Variants in ZC3HAV1 observed in about 807,000 individuals in gnomAD.
ZC3HAV1 encodes the protein zinc finger CCCH-type antiviral protein 1.
ZC3HAV1 carries 41 observed loss-of-function variants against 86.6 expected under a neutral mutation model. The observed-to-expected ratio is 0.47, with a 90% confidence interval of 0.37 to 0.61. The LOEUF is 0.61. ZC3HAV1 is among the 20% of genes least tolerant of loss of function. The pLI is 0.00. For synonymous variants in ZC3HAV1, 421 were observed against 432.1 expected (o/e 0.97, Z 0.32); for missense variants, 964 against 1,141.1 (o/e 0.84, Z 2.24).
At position 139,097,414 on chromosome 7, in the gene ZC3HAV1, ATATATATATATATATTTTTT is replaced by A. The variant is rs1817625341; in HGVS notation, c.309-7675_309-7656del. Among the ~76,000 whole-genome samples the A allele has an allele frequency of 5.3e-5, 4 of 75,664 alleles. No homozygotes were observed. In the South Asian group the frequency reaches 2.2e-3, roughly 42 times the overall value. 49.6% of individuals were successfully genotyped at this position (75,664 alleles called of 152,430 possible). On this transcript the variant is annotated intron_variant, in intron 1 of 12. Coordinates refer to ENST00000242351, the MANE Select transcript of ZC3HAV1 (RefSeq NM_020119.4). ...ATATTGGAACTCCATATATATATAT[ATATATATATATATATTTTTT>A]TTTTTTTTTTTTTTCTTTGAGATGG...
Position 139,044,895 on chromosome 7 carries a change from A to G in ZC3HAV1, c.*2699T>C, listed in dbSNP as rs192263280. On this transcript the variant is annotated 3_prime_UTR_variant, in exon 13 of 13. Transcript: ENST00000242351. ...ATTTCGTTCTTTCTCTTATATACAA[A>G]TAAGTATTGTCATATGCAAAGAAGT... 86 of 152,482 alleles carry G rather than the reference A, an allele frequency of 5.6e-4. No individual in the cohort carries two copies. Among genetic ancestry groups the G allele is most frequent in the African/African-American group, 2.0e-3 (85 of 41,588 alleles). 9.4% of individuals were successfully genotyped at this position (152,482 alleles called of 1,614,324 possible).
intron 1 of ZC3HAV1, among the ~76,000 whole-genome samples, chr7:139,104,908 T>G (rs1174738709): frequency 7.4e-6 from 1 of 135,928 alleles, no homozygotes; most frequent in Non-Finnish European, 1.6e-5. Flanking sequence ...TGGCACATGC[T>G]TGTAATCCCA....
chr7:139,090,848 T>A (rs1817408021), intron 1 of ZC3HAV1, among the ~76,000 whole-genome samples: 1 of 152,172 alleles, frequency 6.6e-6, no homozygotes, highest in Non-Finnish European at 1.5e-5. Flanking sequence ...TGTAACCTCA[T>A]ATGAAAAAAT....
chr7:139,108,300 A>C lies in ZC3HAV1; in HGVS notation c.308+724T>G, dbSNP rs1379482071. On this transcript the variant is annotated intron_variant, in intron 1 of 12. Coordinates refer to ENST00000242351, the MANE Select transcript of ZC3HAV1 (RefSeq NM_020119.4). This position sits in a 1 kb window ranked among gnomAD's most constrained non-coding sequence, Gnocchi z 4.2. The stretch of plus-strand genomic sequence containing the variant: ...AAAAAAAAAGGCAAACGGAAACAAC[A>C]GAAGCAGTGGCCCGAGACGTGAGCC... 6.6e-6 allele frequency among the ~76,000 whole-genome samples: 1 copy of C among 151,702 alleles called. No homozygotes were observed. Among genetic ancestry groups the C allele is most frequent in the Non-Finnish European group, 1.5e-5 (1 of 67,918 alleles).
chr7:139,078,859 A>C (rs919871912), intron 4 of ZC3HAV1, among the ~76,000 whole-genome samples: 2 of 152,336 alleles, frequency 1.3e-5, no homozygotes, highest in African/African-American at 4.8e-5. Context: ...AGCTATGTTT[A>C]TTTCTTAAAT....
intron 7 of ZC3HAV1, among the ~76,000 whole-genome samples, chr7:139,069,797 G>C (rs1816715967): frequency 6.6e-6 from 1 of 152,140 alleles, no homozygotes; most frequent in Non-Finnish European, 1.5e-5. Flanking sequence ...GTTCCTCTTA[G>C]GGAGGTTCCA....
intron 8 of ZC3HAV1, among the ~76,000 whole-genome samples, chr7:139,063,976 C>A (rs994090168): frequency 6.6e-6 from 1 of 152,162 alleles, no homozygotes; most frequent in Non-Finnish European, 1.5e-5. Flanking sequence ...TACTTTATGC[C>A]TATAGCTTTT....
At chr7:139,104,864 T>C (rs1488864550) in intron 1 of ZC3HAV1, among the ~76,000 whole-genome samples, 2 of 148,894 alleles carry the variant, frequency 1.3e-5, no homozygotes, top group Non-Finnish European at 3.0e-5. Context: ...AAATCCCATC[T>C]CTACTAAAAA....
intron 1 of ZC3HAV1, among the ~76,000 whole-genome samples, chr7:139,097,428 A>ATTTTTTTTTTTTTTTTTTTTTT (rs11291842): frequency 6.2e-5 from 3 of 48,158 alleles, no homozygotes; most frequent in African/African-American, 2.3e-4. Context: ...ATATATATAT[A>ATTTTTTTTTTTTTTTTTTTTTT]TTTTTTTTTT....
At chr7:139,075,946 G>A (rs141508754) in intron 6 of ZC3HAV1, among the ~76,000 whole-genome samples, 1 of 152,318 alleles carries the variant, frequency 6.6e-6, no homozygotes, top group East Asian at 1.9e-4. Flanking sequence ...GTGATGAACT[G>A]ATCAGGATAC....
chr7:139,051,432 A>G (rs1176079660), intron 12 of ZC3HAV1, among the ~76,000 whole-genome samples: 1 of 149,828 alleles, frequency 6.7e-6, no homozygotes, highest in African/African-American at 2.5e-5. Context: ...TTTGAGACAA[A>G]ATGTTGCTCT....
chr7:139,065,096 G>A lies in ZC3HAV1; in HGVS notation c.1873-97C>T, dbSNP rs1236783821. 2.0e-6 allele frequency: 3 copies of A among 1,519,256 alleles called. No individual in the cohort carries two copies. The African/African-American group carries it at 4.2e-5, about 21-fold the overall frequency. The allele number at this position is 1,519,256 out of a possible 1,614,324, so 94.1% of individuals were successfully genotyped here. A position where few individuals can be genotyped will look rare whatever the true frequency, so the allele number is the denominator to read the frequency against. On this transcript the variant is annotated intron_variant, in intron 7 of 12. Coordinates refer to ENST00000242351, the MANE Select transcript of ZC3HAV1 (RefSeq NM_020119.4). ...TTTTAGCAATGAGATGTGAACAGGA[G>A]TGCATTTTGCTTCCCAAACCAGATT...
intron 1 of ZC3HAV1, among the ~76,000 whole-genome samples, chr7:139,106,512 T>C (rs1817940617): frequency 6.6e-6 from 1 of 151,914 alleles, no homozygotes; most frequent in South Asian, 2.1e-4. Context: ...TACTTGGGAG[T>C]CTGAGGCAGT....
intron 1 of ZC3HAV1, among the ~76,000 whole-genome samples, chr7:139,102,161 T>C (rs1424043154): frequency 1.3e-5 from 2 of 152,086 alleles, no homozygotes; most frequent in African/African-American, 2.4e-5. Flanking sequence ...AGAGGCAGGG[T>C]CTCATTCTAT....
At position 139,097,533 on chromosome 7, in the gene ZC3HAV1, C is replaced by A. The variant is rs547389629; in HGVS notation, c.309-7774G>T. 5.1e-3 allele frequency among the ~76,000 whole-genome samples: 764 copies of A among 148,372 alleles called. 7 individuals carry two copies. Among genetic ancestry groups the A allele is most frequent in the African/African-American group, 0.018 (732 of 39,988 alleles). ...TATTGCAAGCTCCACCTCCTGGGTT[C>A]ACGCCATTCTCCTGCCTCAGCCTCC... On this transcript the variant is annotated intron_variant, in intron 1 of 12. Transcript: ENST00000242351.
intron 9 of ZC3HAV1, among the ~76,000 whole-genome samples, chr7:139,060,080 CA>C (rs1343354391): frequency 6.6e-6 from 1 of 152,198 alleles, no homozygotes; most frequent in East Asian, 1.9e-4. Flanking sequence ...TAGGCTGCTG[CA>C]GTTCTAAAGC....
At position 139,044,138 on chromosome 7, in the gene ZC3HAV1, C is replaced by G. The variant is rs1048324940; in HGVS notation, c.*3456G>C. 3.3e-5 allele frequency: 5 copies of G among 152,316 alleles called. No homozygotes were observed. Among genetic ancestry groups the G allele is most frequent in the African/African-American group, 1.2e-4 (5 of 41,564 alleles). 9.4% of individuals were successfully genotyped at this position (152,316 alleles called of 1,614,324 possible). ...TCCGAGAGAGTAACTCATTTGTTTTCTCTGAGACAATCTGTAATTTGTCTT... is the reference window on the plus strand; with the variant it reads ...TCCGAGAGAGTAACTCATTTGTTTTGTCTGAGACAATCTGTAATTTGTCTT... On this transcript the variant is annotated 3_prime_UTR_variant, in exon 13 of 13. Coordinates refer to ENST00000242351, the MANE Select transcript of ZC3HAV1 (RefSeq NM_020119.4).
rs1035772997 is a variant in ZC3HAV1 at position 139,047,831 on chromosome 7, G to C, written c.2472C>G (p.Ala824=). 2 of 1,611,904 alleles carry C rather than the reference G, an allele frequency of 1.2e-6. No individual in the cohort carries two copies. The highest frequency in any genetic ancestry group is 1.3e-5 in the African/African-American group (1 of 74,680). Reference sequence around the variant, plus strand: ...ACGGGCAATTTTTGTGGGAATAGATGGCATCTTTTGCAAAGTAAATTCCTA... The same window carrying C: ...ACGGGCAATTTTTGTGGGAATAGATCGCATCTTTTGCAAAGTAAATTCCTA... ...YGKGIYFAKD[A]IYSHKNCPYD... Residue 824 remains alanine (A), a synonymous_variant, in exon 13 of 13, where the codon GCC becomes GCG. Transcript: ENST00000242351.
intron 1 of ZC3HAV1, among the ~76,000 whole-genome samples, chr7:139,099,538 G>A (rs1347933974): frequency 6.6e-6 from 1 of 152,238 alleles, no homozygotes; most frequent in East Asian, 1.9e-4. Flanking sequence ...TGAGGAAAGG[G>A]GAGAATGAGG....
Sources: allele counts gnomAD v4.1 joint callset (sites outside exome capture counted in the v4.1 genomes callset), GRCh38; gene constraint gnomAD v4.1.1; non-coding constraint Gnocchi (gnomAD v3.1); transcripts MANE v1.5; gene names NCBI Gene and HGNC (gene_info 2026-07-23, HGNC 2026-07-21).